FCHSD2: variants seen among roughly 807,000 people sequenced by gnomAD.
The protein encoded by FCHSD2 is FCH and double SH3 domains 2.
In FCHSD2, 38 loss-of-function variants were observed where a neutral mutation model predicts 108.1. That is an observed-to-expected ratio of 0.35 (90% CI 0.27 to 0.46). The LOEUF is 0.46. Ranked by LOEUF, FCHSD2 falls within the 20% of genes least tolerant of loss-of-function variation. FCHSD2 has a pLI of 1.00. For synonymous variants in FCHSD2, 279 were observed against 314.7 expected (o/e 0.89, Z 1.20); for missense variants, 751 against 897.8 (o/e 0.84, Z 2.09).
In FCHSD2 at chr11:72,938,040, T is replaced by G. The variant is rs1405051664; in HGVS notation, c.706-16090A>C. Among the ~76,000 whole-genome samples the G allele has an allele frequency of 3.3e-5, 5 of 152,080 alleles. No individual in the cohort carries two copies. In the South Asian group the frequency reaches 6.2e-4, roughly 19 times the overall value. On this transcript the variant is annotated intron_variant, in intron 8 of 19. Coordinates refer to ENST00000409418, the MANE Select transcript of FCHSD2 (RefSeq NM_014824.3). ...GTATGTCTAAGAAGTATGACATGAATTGAGATAGGAGGAAAGCATTCCAGG... is the reference window on the plus strand; with the variant it reads ...GTATGTCTAAGAAGTATGACATGAAGTGAGATAGGAGGAAAGCATTCCAGG...
At chr11:73,022,108 G>C (rs1858123964) in intron 3 of FCHSD2, among the ~76,000 whole-genome samples, 1 of 151,854 alleles carries the variant, frequency 6.6e-6, no homozygotes, top group Non-Finnish European at 1.5e-5. Context: ...AAGAAAAAAA[G>C]CAAAAAATAA....
At chr11:73,016,329 T>TAACC (rs902584775) in intron 3 of FCHSD2, among the ~76,000 whole-genome samples, 12 of 151,254 alleles carry the variant, frequency 7.9e-5, no homozygotes, top group South Asian at 2.1e-4. Context: ...AAAACCCAAT[T>TAACC]AACCAACCAA....
intron 3 of FCHSD2, among the ~76,000 whole-genome samples, chr11:73,044,347 G>A (rs538852904): frequency 9.2e-5 from 14 of 152,306 alleles, no homozygotes; most frequent in Admixed American, 5.2e-4. Flanking sequence ...GGAAGCCAAG[G>A]TAGGAGTATC....
chr11:73,051,269 T>A (rs1345295307), intron 3 of FCHSD2, among the ~76,000 whole-genome samples: 1 of 152,126 alleles, frequency 6.6e-6, no homozygotes, highest in African/African-American at 2.4e-5. Flanking sequence ...GAGCCAAGAT[T>A]GCATTATTGC....
chr11:73,053,389 A>G (rs544389994), intron 3 of FCHSD2, among the ~76,000 whole-genome samples: 1 of 152,332 alleles, frequency 6.6e-6, no homozygotes, highest in East Asian at 1.9e-4. Context: ...CTAATGAAAG[A>G]TAGAAAATGA....
intron 5 of FCHSD2, among the ~76,000 whole-genome samples, chr11:72,989,472 A>T (rs747082091): frequency 2.0e-5 from 3 of 152,200 alleles, no homozygotes; most frequent in Non-Finnish European, 4.4e-5. Context: ...TAATCTTAAC[A>T]AAGTCTCTCT....
chr11:73,080,687 T>G (rs1859663176), intron 3 of FCHSD2, among the ~76,000 whole-genome samples: 1 of 152,160 alleles, frequency 6.6e-6, no homozygotes, highest in Non-Finnish European at 1.5e-5. Context: ...CTCACACCTG[T>G]AATCTCAGCA....
rs760683004 is a variant in FCHSD2 at position 72,843,155 on chromosome 11, G to A, written c.1701C>T (p.Ala567=). The A allele has an allele frequency of 5.0e-6, 8 of 1,613,768 alleles. No homozygotes were observed. The South Asian group carries it at 8.8e-5, about 18-fold the overall frequency. The change falls in exon 16 of 20, where the codon GCC becomes GCT. Residue 567 remains alanine, a synonymous_variant. Coordinates refer to ENST00000409418, the MANE Select transcript of FCHSD2 (RefSeq NM_014824.3). ...ELVSGSLNGD[A]SVCFVKALYD... ...GTGCCTTGTTTCAGTCTTTACCACTGGCATCTCCGTTGAGGCTGCCTGAAA... is the reference window on the plus strand; with the variant it reads ...GTGCCTTGTTTCAGTCTTTACCACTAGCATCTCCGTTGAGGCTGCCTGAAA...
At position 72,886,656 on chromosome 11, in the gene FCHSD2, C is replaced by T. The variant is rs187370322; in HGVS notation, c.1146+814G>A. ...TGCTGAGTAGATAAAAGTGTGTGCA[C>T]AGGTCCTCCATAAACTGGCCCTAAC... On this transcript the variant is annotated intron_variant, in intron 12 of 19. Transcript: ENST00000409418. 1.8e-4 allele frequency among the ~76,000 whole-genome samples: 28 copies of T among 152,314 alleles called. No individual in the cohort carries two copies. In the East Asian group the frequency reaches 3.7e-3, roughly 20 times the overall value.
chr11:72,901,680 C>T (rs1427483166), intron 10 of FCHSD2, among the ~76,000 whole-genome samples: 1 of 151,788 alleles, frequency 6.6e-6, no homozygotes, highest in Non-Finnish European at 1.5e-5. Flanking sequence ...TATGTGTATT[C>T]TGCTACCATA....
Position 72,849,750 on chromosome 11 carries a change from C to A in FCHSD2, c.1443+5G>T. 1 of 1,605,746 alleles carries A rather than the reference C, an allele frequency of 6.2e-7. No individual in the cohort carries two copies. The highest frequency in any genetic ancestry group is 8.5e-7 in the Non-Finnish European group (1 of 1,173,942). ...TTAATAACATTATGTTGGAGAAATA[C>A]AAACCTTGTAGGAATAAACAACTTT... On this transcript the variant is annotated splice_donor_5th_base_variant and intron_variant, in intron 14 of 19. Coordinates refer to ENST00000409418, the MANE Select transcript of FCHSD2 (RefSeq NM_014824.3).
chr11:73,011,773 C>T (rs559658569), intron 4 of FCHSD2, among the ~76,000 whole-genome samples: 1 of 152,176 alleles, frequency 6.6e-6, no homozygotes. Flanking sequence ...TCTCTTGGCT[C>T]CTGACTAATC....
chr11:72,993,138 G>T (rs1436472543), intron 5 of FCHSD2, among the ~76,000 whole-genome samples: 1 of 152,128 alleles, frequency 6.6e-6, no homozygotes, highest in African/African-American at 2.4e-5. Flanking sequence ...CATTTATGCA[G>T]CCAACAGACA....
chr11:72,991,719 T>G lies in FCHSD2; in HGVS notation c.388-2622A>C, dbSNP rs12272713. Among the ~76,000 whole-genome samples, 775 of 152,140 alleles carry G rather than the reference T, an allele frequency of 5.1e-3. 6 individuals are homozygous for G. Among genetic ancestry groups the G allele is most frequent in the African/African-American group, 0.017 (705 of 41,502 alleles). ...TTGACAAAATTCAACAACGCTTCATTCTAAAAACTCTCAATAAATTAGGTA... is the reference window on the plus strand; with the variant it reads ...TTGACAAAATTCAACAACGCTTCATGCTAAAAACTCTCAATAAATTAGGTA... On this transcript the variant is annotated intron_variant, in intron 5 of 19. Transcript: ENST00000409418.
chr11:72,999,237 T>C (rs1343916147), intron 5 of FCHSD2, among the ~76,000 whole-genome samples: 1 of 151,980 alleles, frequency 6.6e-6, no homozygotes, highest in Non-Finnish European at 1.5e-5. Context: ...ATTGCTTAGA[T>C]GTAACATAGA....
At chr11:73,010,096 T>C (rs540761391) in intron 4 of FCHSD2, among the ~76,000 whole-genome samples, 1 of 152,326 alleles carries the variant, frequency 6.6e-6, no homozygotes, top group Admixed American at 6.5e-5. Context: ...AATTCTTTCT[T>C]ATTTTTCTTC....
intron 2 of FCHSD2, among the ~76,000 whole-genome samples, chr11:73,136,744 T>A (rs1485138971): frequency 1.3e-5 from 2 of 152,082 alleles, no homozygotes; most frequent in Non-Finnish European, 2.9e-5. Context: ...AAAACCCAAG[T>A]TCGGGCCAGG....
intron 3 of FCHSD2, among the ~76,000 whole-genome samples, chr11:73,036,518 A>G (rs1411280822): frequency 2.3e-4 from 35 of 152,182 alleles, no homozygotes; most frequent in Admixed American, 2.3e-3. Context: ...TAATAATGAA[A>G]CCTAAATTTA....
intron 3 of FCHSD2, among the ~76,000 whole-genome samples, chr11:73,026,809 T>A (rs1858240148): frequency 6.6e-6 from 1 of 152,150 alleles, no homozygotes; most frequent in Non-Finnish European, 1.5e-5. Flanking sequence ...GCAAGTGAGT[T>A]CTCATGAGAT....
Sources: allele counts gnomAD v4.1 joint callset (sites outside exome capture counted in the v4.1 genomes callset), GRCh38; gene constraint gnomAD v4.1.1; transcripts MANE v1.5; gene names NCBI Gene and HGNC (gene_info 2026-07-23, HGNC 2026-07-21).